The following ANKFN1 variants were observed in gnomAD, a reference collection of about 807,000 sequenced individuals.
ANKFN1 encodes the protein ankyrin repeat and fibronectin type III domain containing 1.
Under a neutral mutation model 108.7 loss-of-function variants are expected in ANKFN1, and 74 were observed. That is an observed-to-expected ratio of 0.68 (90% CI 0.56 to 0.83). The LOEUF (loss-of-function observed/expected upper bound fraction) is 0.83. ANKFN1 is among the 40% of genes least tolerant of loss of function. The probability of loss-of-function intolerance (pLI) is 0.00; values close to 1 mark genes in which losing one functional copy is unlikely to be tolerated. For synonymous variants in ANKFN1, 547 were observed against 516.2 expected (o/e 1.06, Z -0.81); for missense variants, 1,505 against 1,382.3 (o/e 1.09, Z -1.41).
intron 3 of ANKFN1, among the ~76,000 whole-genome samples, chr17:56,304,424 G>A (rs911162023): frequency 1.3e-5 from 2 of 151,440 alleles, no homozygotes; most frequent in African/African-American, 4.9e-5. Context: ...TTTCAGTTTT[G>A]GCTAATATGA....
intron 4 of ANKFN1, among the ~76,000 whole-genome samples, chr17:56,136,474 A>C (rs1226511865): frequency 6.6e-6 from 1 of 152,240 alleles, no homozygotes; most frequent in Non-Finnish European, 1.5e-5. Context: ...ACACGTCACA[A>C]AGACTGGGAA....
At chr17:56,170,781 T>TATATATATATAC (rs1267464322) in intron 1 of ANKFN1, among the ~76,000 whole-genome samples, 1 of 74,912 alleles carries the variant, frequency 1.3e-5, no homozygotes, top group Non-Finnish European at 2.4e-5. Flanking sequence ...TTTTTATATA[T>TATATATATATAC]ATATATATAT....
At chr17:56,463,764 G>A (rs1349578630) in intron 14 of ANKFN1, 1 of 152,194 alleles carries the variant, frequency 6.6e-6, no homozygotes, top group Non-Finnish European at 1.5e-5. Context: ...TGAATACCGT[G>A]TTCTTTACAT....
intron 8 of ANKFN1, among the ~76,000 whole-genome samples, chr17:56,391,691 G>T (rs1598514209): frequency 1.3e-5 from 2 of 152,152 alleles, no homozygotes; most frequent in African/African-American, 4.8e-5. Flanking sequence ...CTCCCAAAGT[G>T]CTGGGATTAC....
intron 4 of ANKFN1, among the ~76,000 whole-genome samples, chr17:56,133,913 A>T (rs938370287): frequency 6.6e-6 from 1 of 152,094 alleles, no homozygotes; most frequent in Non-Finnish European, 1.5e-5. Context: ...ATTCAATTCA[A>T]TTCTGACATT....
intron 1 of ANKFN1, among the ~76,000 whole-genome samples, chr17:56,182,348 A>G (rs1911766947): frequency 6.6e-6 from 1 of 152,214 alleles, no homozygotes. Flanking sequence ...TTCTTGAAGG[A>G]AATTAAAAGT....
At chr17:56,211,620 T>G (rs1480725190) in intron 1 of ANKFN1, among the ~76,000 whole-genome samples, 1 of 152,150 alleles carries the variant, frequency 6.6e-6, no homozygotes, top group Non-Finnish European at 1.5e-5. Flanking sequence ...ATTTTAGGAT[T>G]GATTTGTCTA....
chr17:56,084,198 T>C (rs1250779894), intron 4 of ANKFN1, among the ~76,000 whole-genome samples: 1 of 151,158 alleles, frequency 6.6e-6, no homozygotes, highest in Non-Finnish European at 1.5e-5. Context: ...TGGTTAGGTT[T>C]AACCAATGGG....
chr17:56,195,734 G>A (rs542963303), intron 1 of ANKFN1, among the ~76,000 whole-genome samples: 6 of 152,052 alleles, frequency 3.9e-5, no homozygotes, highest in Non-Finnish European at 5.9e-5. Flanking sequence ...ATCACTCAGC[G>A]TATTATTCTC....
At chr17:56,223,642 T>A (rs1916045522) in intron 2 of ANKFN1, among the ~76,000 whole-genome samples, 1 of 152,076 alleles carries the variant, frequency 6.6e-6, no homozygotes. Context: ...TTATTAGAAG[T>A]CATGAAAAAC....
chr17:56,234,957 A>G (rs1303131338), intron 3 of ANKFN1, among the ~76,000 whole-genome samples: 2 of 152,146 alleles, frequency 1.3e-5, no homozygotes, highest in African/African-American at 2.4e-5. Context: ...GAATTAATTT[A>G]CAGTCCCACC....
Position 56,362,350 on chromosome 17 carries a change from C to T in ANKFN1, c.601+8304C>T, listed in dbSNP as rs113099839. On this transcript the variant is annotated intron_variant, in intron 6 of 20. Transcript: ENST00000682825. ...TATGTTCTAAAACTACACTGTCCAA[C>T]ACAGAATCCACTAGCCACATATGAC... Among the ~76,000 whole-genome samples, 348 of 152,302 alleles carry T rather than the reference C, an allele frequency of 2.3e-3. 10 individuals are homozygous for T. Among genetic ancestry groups the T allele is most frequent in the African/African-American group, 7.4e-3 (309 of 41,568 alleles).
chr17:56,481,365 C>G (rs17841614), intron 17 of ANKFN1, among the ~76,000 whole-genome samples: 18,128 of 152,016 alleles, frequency 0.12, 1,631 homozygotes, highest in African/African-American at 0.25. Context: ...TCAAGAAAAA[C>G]TGTTGGCATA....
chr17:56,106,196 T>C (rs925654258), intron 4 of ANKFN1, among the ~76,000 whole-genome samples: 4 of 152,168 alleles, frequency 2.6e-5, no homozygotes, highest in African/African-American at 9.6e-5. Context: ...TTGCCCAGGG[T>C]CACACAGCCA....
In ANKFN1 at chr17:56,274,477, A is replaced by T. The variant is rs187982837; in HGVS notation, c.53+46520A>T. On this transcript the variant is annotated intron_variant, in intron 3 of 20. Coordinates refer to ENST00000682825, the MANE Select transcript of ANKFN1 (RefSeq NM_001370326.1). ...GACAGCGCGAGACTCCGCCTCAAAA[A>T]AATAATAATAATAATAATTCTACTA... Among the ~76,000 whole-genome samples the T allele has an allele frequency of 3.4e-3, 514 of 152,178 alleles. 5 individuals carry two copies. The highest frequency in any genetic ancestry group is 3.7e-3 in the South Asian group (18 of 4,826).
chr17:56,482,175 C>T (rs2050729346), intron 17 of ANKFN1, among the ~76,000 whole-genome samples, 181 bp from the exon 18 acceptor site: 1 of 152,116 alleles, frequency 6.6e-6, no homozygotes. Context: ...AACATTACTG[C>T]CTTAAATCTT....
At chr17:56,079,073 C>T (rs73325612) in intron 4 of ANKFN1, among the ~76,000 whole-genome samples, 6,336 of 152,244 alleles carry the variant, frequency 0.042, 409 homozygotes, top group African/African-American at 0.14. Context: ...ATAGGGCCAG[C>T]TCATTCTTCT....
chr17:56,225,542 C>T (rs542155861), intron 2 of ANKFN1, among the ~76,000 whole-genome samples: 4 of 152,240 alleles, frequency 2.6e-5, no homozygotes, highest in Middle Eastern at 3.4e-3. Context: ...AGGTTAATCA[C>T]GAGGGGAGGG....
chr17:56,352,510 A>C (rs1186012822), intron 5 of ANKFN1, among the ~76,000 whole-genome samples: 1 of 152,228 alleles, frequency 6.6e-6, no homozygotes. Flanking sequence ...ATGTGTAAAT[A>C]ATACGTGTGT....
Sources: gnomAD v4.1 joint callset for allele counts (sites outside exome capture counted in the v4.1 genomes callset) on GRCh38, gnomAD v4.1.1 for gene constraint, MANE v1.5 for transcripts, NCBI Gene and HGNC (gene_info 2026-07-23, HGNC 2026-07-21) for gene names.